The following TAGAP variants were observed in gnomAD, a reference collection of about 807,000 sequenced individuals.
The protein encoded by TAGAP is T-cell activation Rho GTPase-activating protein.
In TAGAP, 16 loss-of-function variants were observed where a neutral mutation model predicts 36.0. The ratio of observed to expected loss-of-function variants is 0.44; its 90% CI spans 0.30 to 0.68. The LOEUF (loss-of-function observed/expected upper bound fraction) is 0.68, where lower values mean the gene tolerates loss of function less well. Ranked by LOEUF, TAGAP falls within the 30% of genes least tolerant of loss-of-function variation. TAGAP has a pLI of 0.09. For missense variants in TAGAP, 794 were observed against 921.5 expected, an observed-to-expected ratio of 0.86 and a Z score of 1.79; for synonymous variants, 372 against 377.4, an observed-to-expected ratio of 0.99 and a Z score of 0.17.
rs543834150 is a variant in TAGAP at position 159,037,592 on chromosome 6, C to G, written c.899-468G>C. On this transcript the variant is annotated intron_variant, in intron 9 of 9. Transcript: ENST00000367066. This position sits in a 1 kb window ranked among gnomAD's most constrained non-coding sequence, Gnocchi z 5.1. The stretch of plus-strand genomic sequence containing the variant: ...AGAACTACTTAGGGGCTTGATATGA[C>G]AAGAAATGTACCACATGAAAAGTTT... Among the ~76,000 whole-genome samples the G allele has an allele frequency of 2.6e-4, 40 of 152,030 alleles. No individual in the cohort carries two copies. Among genetic ancestry groups the G allele is most frequent in the Admixed American group, 1.3e-3 (20 of 15,274 alleles).
intron 8 of TAGAP, among the ~76,000 whole-genome samples, chr6:159,038,534 G>A (rs568338176): frequency 2.6e-5 from 4 of 151,916 alleles, no homozygotes; most frequent in Middle Eastern, 3.4e-3. Flanking sequence ...GACTACGGGC[G>A]CCCGCCACCA....
intron 7 of TAGAP, among the ~76,000 whole-genome samples, chr6:159,040,434 C>T (rs1343132582): frequency 6.6e-6 from 1 of 152,146 alleles, no homozygotes; most frequent in African/African-American, 2.4e-5. Flanking sequence ...TATCTCATAC[C>T]TTTTTGAACA....
At chr6:159,044,054 A>G (rs1208235436) in intron 2 of TAGAP, 23 bp from the exon 3 acceptor site, 1 of 1,613,446 alleles carries the variant, frequency 6.2e-7, no homozygotes, top group Non-Finnish European at 8.5e-7. Flanking sequence ...AAATAAAATT[A>G]GGTAAATATC....
In TAGAP at chr6:159,042,219, C is replaced by G. The variant is rs747424686; in HGVS notation, c.174G>C (p.Leu58=). The change falls in exon 5 of 10, where the codon CTG becomes CTC. Residue 58 remains leucine (L), a synonymous_variant. Transcript: ENST00000367066. Reference sequence around the variant, plus strand: ...GCCTTCTCATGAGAAAGGGCCAGGACAGCACCTTCTTTCTCTTCTTAACTT... The same window carrying G: ...GCCTTCTCATGAGAAAGGGCCAGGAGAGCACCTTCTTTCTCTTCTTAACTT... ...LIEVKKRKKV[L]SWPFLMRRLS... The G allele has an allele frequency of 4.3e-6, 7 of 1,612,414 alleles. No individual in the cohort carries two copies. Among genetic ancestry groups the G allele is most frequent in the Middle Eastern group, 3.3e-4 (2 of 6,066 alleles).
rs79774715 is a variant in TAGAP, at chr6:159,042,707, G to T, written c.149-463C>A. 544 of 158,300 alleles carry T rather than the reference G, an allele frequency of 3.4e-3. 3 individuals are homozygous for T. Among genetic ancestry groups the T allele is most frequent in the Non-Finnish European group, 6.2e-3 (442 of 70,914 alleles). The allele number at this position is 158,300 out of a possible 1,614,324, so 9.8% of individuals were successfully genotyped here. On this transcript the variant is annotated intron_variant, in intron 4 of 9. Transcript: ENST00000367066. ...GAAGTGACTTGCTGAATATCTTTTC[G>T]AAGGCACATAGCAGGGCTGGCTCCA...
Position 159,041,210 on chromosome 6 carries a change from TA to T in TAGAP, c.477+143del. 1.0e-6 allele frequency: 1 copy of T among 995,800 alleles called. No individual in the cohort carries two copies. Among genetic ancestry groups the T allele is most frequent in the Non-Finnish European group, 1.5e-6 (1 of 685,298 alleles). The allele number at this position is 995,800 out of a possible 1,614,324, so 61.7% of individuals were successfully genotyped here. A position where few individuals can be genotyped will look rare whatever the true frequency, so the allele number is the denominator to read the frequency against. On this transcript the variant is annotated intron_variant, in intron 6 of 9. Transcript: ENST00000367066. This position sits in a 1 kb window ranked among gnomAD's most constrained non-coding sequence, Gnocchi z 4.1. ...GAAACAGAGGTGCTTACTAAATAAA[TA>T]AATAAAGGGCTTAATGAAAAAAATT...
At chr6:159,039,586 G>A (rs1204898533) in intron 7 of TAGAP, among the ~76,000 whole-genome samples, 1 of 152,192 alleles carries the variant, frequency 6.6e-6, no homozygotes, top group Admixed American at 6.5e-5. Context: ...AAATTATGAA[G>A]CCAATCTGCA....
chr6:159,044,386 T>C (rs1779860747), intron 1 of TAGAP, among the ~76,000 whole-genome samples, 182 bp from the exon 2 acceptor site: 1 of 152,260 alleles, frequency 6.6e-6, no homozygotes, highest in African/African-American at 2.4e-5. Flanking sequence ...AAATCAGTTC[T>C]GTTACCAGAT....
In TAGAP at chr6:159,037,769, C is replaced by A. The variant is rs1483812425; in HGVS notation, c.898+345G>T. 6.6e-6 allele frequency among the ~76,000 whole-genome samples: 1 copy of A among 152,134 alleles called. No individual in the cohort carries two copies. Among genetic ancestry groups the A allele is most frequent in the Non-Finnish European group, 1.5e-5 (1 of 68,028 alleles). The stretch of plus-strand genomic sequence containing the variant: ...TTGACCTTAATTTTTAAAACTGCTC[C>A]TTTTACTGGACCCATTTTCATTGTG... On this transcript the variant is annotated intron_variant, in intron 9 of 9. Transcript: ENST00000367066. This position sits in a 1 kb window ranked among gnomAD's most constrained non-coding sequence, Gnocchi z 5.1.
Position 159,038,105 on chromosome 6 carries a change from A to T in TAGAP, c.898+9T>A. The T allele has an allele frequency of 1.9e-6, 3 of 1,565,672 alleles. No individual in the cohort carries two copies. The highest frequency in any genetic ancestry group is 2.6e-6 in the Non-Finnish European group (3 of 1,138,706). On this transcript the variant is annotated intron_variant, in intron 9 of 9. Transcript: ENST00000367066. The stretch of plus-strand genomic sequence containing the variant: ...TACAATCGTAATCAAATGATAGCAC[A>T]TTCCATACCTGAACTGTCAGTGTGC...
In TAGAP at chr6:159,035,391, T is replaced by G. The variant is rs959214647; in HGVS notation, c.*436A>C. The G allele has an allele frequency of 6.2e-6, 1 of 160,308 alleles. No homozygotes were observed. Among genetic ancestry groups the G allele is most frequent in the African/African-American group, 2.4e-5 (1 of 41,518 alleles). 9.9% of individuals were successfully genotyped at this position (160,308 alleles called of 1,614,324 possible). On this transcript the variant is annotated 3_prime_UTR_variant, in exon 10 of 10. Transcript: ENST00000367066. ...AGTTTACTCTGGTATGGAGTAAACT[T>G]ATACCAGAGATTTAAACATTTCTCC...
Position 159,036,431 on chromosome 6 carries a change from G to A in TAGAP, c.1592C>T (p.Ser531Leu). Residue 531 changes from serine (S) to leucine (L), a missense_variant, in exon 10 of 10, where the codon TCG becomes TTG. Ser to Leu is a moderately radical substitution (Grantham distance 145). Transcript: ENST00000367066. The surrounding 1 kb of genome is among the most constrained non-coding windows in gnomAD (Gnocchi z 4.9). Reference protein sequence around the residue: ...TKNLSAGSGKSQDFTRDHVPR... With the variant: ...TKNLSAGSGKLQDFTRDHVPR... ...GACGTGGTCCCTGGTAAAGTCTTGC[G>A]ATTTCCCAGAGCCCGCGCTGAGGTT... 2 of 1,614,174 alleles carry A rather than the reference G, an allele frequency of 1.2e-6. No individual in the cohort carries two copies. Among genetic ancestry groups the A allele is most frequent in the Non-Finnish European group, 1.7e-6 (2 of 1,180,030 alleles).
chr6:159,041,050 C>T lies in TAGAP; in HGVS notation c.478-218G>A, dbSNP rs1284099860. On this transcript the variant is annotated intron_variant, in intron 6 of 9. Transcript: ENST00000367066. This position sits in a 1 kb window ranked among gnomAD's most constrained non-coding sequence, Gnocchi z 4.1. ...CATCAGGCAGAGTCAGAGGCACCAT[C>T]CCCAGGTGGGTGTGTTCTGAGGGGC... 3.4e-5 allele frequency: 20 copies of T among 585,704 alleles called. No individual in the cohort carries two copies. The Admixed American group carries it at 4.9e-4, about 14-fold the overall frequency. The allele number at this position is 585,704 out of a possible 1,614,324, so 36.3% of individuals were successfully genotyped here. A position where few individuals can be genotyped will look rare whatever the true frequency, so the allele number is the denominator to read the frequency against.
Position 159,036,966 on chromosome 6 carries a change from C to A in TAGAP, c.1057G>T (p.Val353Phe). 6.2e-7 allele frequency: 1 copy of A among 1,613,706 alleles called. No homozygotes were observed. Among genetic ancestry groups the A allele is most frequent in the Non-Finnish European group, 8.5e-7 (1 of 1,179,878 alleles). Residue 353 changes from valine to phenylalanine, a missense_variant, in exon 10 of 10, where the codon GTC becomes TTC. Physicochemically the swap from Val to Phe is conservative, Grantham distance 50. Transcript: ENST00000367066. The surrounding 1 kb of genome is among the most constrained non-coding windows in gnomAD (Gnocchi z 4.9). ...GTGCTCACAATGGGCTCTGGGCTGACCTCTCGGGCATCCTGTGGGCCCGCG... is the reference window on the plus strand; with the variant it reads ...GTGCTCACAATGGGCTCTGGGCTGAACTCTCGGGCATCCTGTGGGCCCGCG... ...DSAGPQDARE[V>F]SPEPIVSTVA...
rs144830124 is a variant in TAGAP at position 159,035,906 on chromosome 6, C to T, written c.2117G>A (p.Arg706Gln). Residue 706 changes from arginine to glutamine, a missense_variant, in exon 10 of 10, where the codon CGG (arginine) becomes CAG (glutamine). Coordinates refer to ENST00000367066, the MANE Select transcript of TAGAP (RefSeq NM_054114.5). The stretch of plus-strand genomic sequence containing the variant: ...GCTACATCGTCGCACGAGACAGTCC[C>T]GCTTATTCCTCTGCACGGACTCGGA... Reference protein sequence around the residue: ...TVSESVQRNKRDCLVRRCSQP... With the variant: ...TVSESVQRNKQDCLVRRCSQP... 3.8e-5 allele frequency: 62 copies of T among 1,614,062 alleles called. No homozygotes were observed. The East Asian group carries it at 1.1e-3, about 30-fold the overall frequency.
In TAGAP at chr6:159,040,811, G is replaced by C; in HGVS notation, c.499C>G (p.Arg167Gly). The change falls in exon 7 of 10, where the codon CGG becomes GGG. Residue 167 changes from arginine (R) to glycine (G), a missense_variant. Arg to Gly is a moderately radical substitution (Grantham distance 125, BLOSUM62 -2). Coordinates refer to ENST00000367066, the MANE Select transcript of TAGAP (RefSeq NM_054114.5). ...VFKDFLRSIP[R>G]KLLSSDLFEE... ...AAGAGGTCGCTTGAAAGTAGCTTCCGGGGGATACTTCTGAGGAAGTCCTGG... is the reference window on the plus strand; with the variant it reads ...AAGAGGTCGCTTGAAAGTAGCTTCCCGGGGATACTTCTGAGGAAGTCCTGG... 1 of 1,614,026 alleles carries C rather than the reference G, an allele frequency of 6.2e-7. No homozygotes were observed. Among genetic ancestry groups the C allele is most frequent in the Non-Finnish European group, 8.5e-7 (1 of 1,179,922 alleles).
At chr6:159,042,356 G>A (rs1049816488) in intron 4 of TAGAP, 112 bp from the exon 5 acceptor site, 2 of 1,472,432 alleles carry the variant, frequency 1.4e-6, no homozygotes, top group Admixed American at 2.5e-5. Flanking sequence ...AATAGTATGC[G>A]ATGTGAGAAA....
Position 159,036,014 on chromosome 6 carries a change from C to T in TAGAP, c.2009G>A (p.Ser670Asn), listed in dbSNP as rs756759950. Reference sequence around the variant, plus strand: ...GTCCCCAGAAGCATGGACAGTTCTGCTCTGTTTCCATCGCTCAGGCAGGGG... The same window carrying T: ...GTCCCCAGAAGCATGGACAGTTCTGTTCTGTTTCCATCGCTCAGGCAGGGG... ...LSPLPERWKQ[S>N]RTVHASGDSL... Residue 670 changes from serine to asparagine, a missense_variant, in exon 10 of 10, where the codon AGC becomes AAC. Ser to Asn is a conservative substitution (Grantham distance 46). Coordinates refer to ENST00000367066, the MANE Select transcript of TAGAP (RefSeq NM_054114.5). The surrounding 1 kb of genome is among the most constrained non-coding windows in gnomAD (Gnocchi z 4.9). The T allele has an allele frequency of 8.1e-6, 13 of 1,612,462 alleles. No individual in the cohort carries two copies. The African/African-American group carries it at 1.3e-4, about 17-fold the overall frequency.
rs907573775 is a variant in TAGAP, at chr6:159,042,570, C to A, written c.149-326G>T. The A allele has an allele frequency of 1.2e-5, 3 of 255,222 alleles. 1 individual carries two copies. Among genetic ancestry groups the A allele is most frequent in the Admixed American group, 9.9e-5 (2 of 20,244 alleles). The allele number at this position is 255,222 out of a possible 1,614,324, so 15.8% of individuals were successfully genotyped here. A position where few individuals can be genotyped will look rare whatever the true frequency, so the allele number is the denominator to read the frequency against. ...AAAACCTAACTGTGCTGATCATAAACAACCATCTTAACCTACTGGCCTGAA... is the reference window on the plus strand; with the variant it reads ...AAAACCTAACTGTGCTGATCATAAAAAACCATCTTAACCTACTGGCCTGAA... On this transcript the variant is annotated intron_variant, in intron 4 of 9. Transcript: ENST00000367066.
Sources: allele counts gnomAD v4.1 joint callset (sites outside exome capture counted in the v4.1 genomes callset), GRCh38; gene constraint gnomAD v4.1.1; non-coding constraint Gnocchi (gnomAD v3.1); transcripts MANE v1.5; gene names NCBI Gene and HGNC (gene_info 2026-07-23, HGNC 2026-07-21).